The following SCYL3 variants were observed in gnomAD, a reference collection of about 807,000 sequenced individuals.
SCYL3 encodes protein-associating with the carboxyl-terminal domain of ezrin.
In SCYL3, 35 loss-of-function variants were observed where a neutral mutation model predicts 73.8. That is an observed-to-expected ratio of 0.47 (90% CI 0.36 to 0.63). The LOEUF (loss-of-function observed/expected upper bound fraction) is 0.63. Ranked by LOEUF, SCYL3 falls within the 20% of genes least tolerant of loss-of-function variation. The pLI is 0.00. For missense variants in SCYL3, 712 were observed against 798.9 expected (o/e 0.89, Z 1.31); for synonymous variants, 277 against 295.2 (o/e 0.94, Z 0.63).
At chr1:169,855,684 C>T in intron 11 of SCYL3, 3 of 978,104 alleles carry the variant, frequency 3.1e-6, no homozygotes, top group South Asian at 1.8e-5. Context: ...AAGCTGACTA[C>T]ATAATTACAA....
In SCYL3 at chr1:169,853,010, G is replaced by A. The variant is rs775576087; in HGVS notation, c.*703C>T. On this transcript the variant is annotated 3_prime_UTR_variant, in exon 13 of 13. Coordinates refer to ENST00000367771, the MANE Select transcript of SCYL3 (RefSeq NM_020423.7). ...TGAAACTTATCACTAGGCAGAACTG[G>A]GTTTGATGCTTTGTCAACTGAAAAT... The A allele has an allele frequency of 1.9e-6, 3 of 1,609,092 alleles. No homozygotes were observed. The South Asian group carries it at 3.3e-5, about 18-fold the overall frequency.
At chr1:169,876,958 T>TAAAAAAAAAAA (rs61051062) in intron 3 of SCYL3, among the ~76,000 whole-genome samples, 7 of 76,418 alleles carry the variant, frequency 9.2e-5, no homozygotes, top group South Asian at 5.2e-4. Flanking sequence ...TTGTCTCAAA[T>TAAAAAAAAAAA]AAAAAAAAAA....
At chr1:169,855,167 A>G (rs558846473) in intron 11 of SCYL3, among the ~76,000 whole-genome samples, 3 of 152,226 alleles carry the variant, frequency 2.0e-5, no homozygotes, top group Non-Finnish European at 4.4e-5. Flanking sequence ...TAATACTTAC[A>G]TTATTAACTC....
At chr1:169,891,189 G>C (rs934742812) in intron 1 of SCYL3, among the ~76,000 whole-genome samples, 1 of 152,156 alleles carries the variant, frequency 6.6e-6, no homozygotes, top group African/African-American at 2.4e-5. Flanking sequence ...GGTGGAGGTG[G>C]AGCTACGGCA....
At position 169,866,983 on chromosome 1, in the gene SCYL3, A is replaced by C. The variant is rs1255580802; in HGVS notation, c.738-10T>G. The C allele has an allele frequency of 2.0e-6, 3 of 1,503,712 alleles. No homozygotes were observed. Among genetic ancestry groups the C allele is most frequent in the Non-Finnish European group, 1.8e-6 (2 of 1,085,756 alleles). 93.1% of individuals were successfully genotyped at this position (1,503,712 alleles called of 1,614,324 possible). On this transcript the variant is annotated splice_polypyrimidine_tract_variant and intron_variant, in intron 7 of 12. Coordinates refer to ENST00000367771, the MANE Select transcript of SCYL3 (RefSeq NM_020423.7). ...TTCCAGAAAATCATTTCTAAATGCC[A>C]AAAAGAGAAGGAATTCAGCAGAACA... is the stretch of plus-strand genomic sequence containing the variant.
intron 11 of SCYL3, among the ~76,000 whole-genome samples, chr1:169,855,435 T>G (rs758050052): frequency 8.5e-5 from 13 of 152,234 alleles, no homozygotes; most frequent in Non-Finnish European, 1.9e-4. Flanking sequence ...TTAATGACTT[T>G]GCTCTCATTT....
At chr1:169,885,322 C>T (rs1661601253) in intron 2 of SCYL3, among the ~76,000 whole-genome samples, 1 of 152,150 alleles carries the variant, frequency 6.6e-6, no homozygotes, top group East Asian at 1.9e-4. Context: ...ATTCAGCTAT[C>T]CAGAGAATTC....
intron 1 of SCYL3, 25 bp from the exon 2 acceptor site, chr1:169,888,915 C>A: frequency 7.3e-7 from 1 of 1,360,710 alleles, no homozygotes; most frequent in South Asian, 1.7e-5. Flanking sequence ...AAAACAATTT[C>A]AAACATTAAA....
chr1:169,888,526 A>G (rs1476687885), intron 2 of SCYL3, 150 bp downstream of exon 2: 1 of 619,626 alleles, frequency 1.6e-6, no homozygotes, highest in Non-Finnish European at 2.7e-6. Flanking sequence ...AGATAGGCCC[A>G]TGAAGTAAGA....
chr1:169,870,427 A>G, intron 5 of SCYL3, 70 bp from the exon 6 acceptor site: 1 of 964,216 alleles, frequency 1.0e-6, no homozygotes, highest in South Asian at 1.4e-5. Context: ...TCTCTGAAGC[A>G]CCTTCTCCCA....
At chr1:169,865,702 T>G (rs1184318288) in intron 8 of SCYL3, among the ~76,000 whole-genome samples, 1 of 152,236 alleles carries the variant, frequency 6.6e-6, no homozygotes, top group Non-Finnish European at 1.5e-5. Flanking sequence ...CTCAGCCCAA[T>G]GCACTCTCAC....
In SCYL3 at chr1:169,850,373, A is replaced by G. The variant is rs764963091; in HGVS notation, c.*3340T>C. 3 of 1,468,596 alleles carry G rather than the reference A, an allele frequency of 2.0e-6. No homozygotes were observed. The highest frequency in any genetic ancestry group is 2.4e-5 in the South Asian group (2 of 82,694). The allele number at this position is 1,468,596 out of a possible 1,614,324, so 91.0% of individuals were successfully genotyped here. ...ACTTTCTTTACATGGCTCATGTTTT[A>G]TTCTTTGTCCTATTTTTTTTTTTCC... On this transcript the variant is annotated 3_prime_UTR_variant, in exon 13 of 13. Coordinates refer to ENST00000367771, the MANE Select transcript of SCYL3 (RefSeq NM_020423.7).
intron 6 of SCYL3, among the ~76,000 whole-genome samples, chr1:169,869,736 A>G (rs902004374): frequency 4.6e-5 from 7 of 152,234 alleles, no homozygotes; most frequent in African/African-American, 1.7e-4. Context: ...AGAACACAGA[A>G]GAGAGGAGAA....
At chr1:169,875,815 G>T (rs1200016229) in intron 4 of SCYL3, among the ~76,000 whole-genome samples, 163 bp downstream of exon 4, 1 of 152,210 alleles carries the variant, frequency 6.6e-6, no homozygotes, top group Admixed American at 6.5e-5. Context: ...CACTGCCTCT[G>T]AGGAACAAAA....
chr1:169,858,373 ACAGC>A (rs1299553080), intron 11 of SCYL3, among the ~76,000 whole-genome samples: 6 of 152,288 alleles, frequency 3.9e-5, no homozygotes, highest in African/African-American at 1.4e-4. Flanking sequence ...TTTGACCTCC[ACAGC>A]TTATTCCGCT....
chr1:169,891,696 A>G (rs1223139467), intron 1 of SCYL3, among the ~76,000 whole-genome samples: 3 of 152,232 alleles, frequency 2.0e-5, no homozygotes, highest in Non-Finnish European at 2.9e-5. Flanking sequence ...TTAAGTGTTA[A>G]TATTAATCCT....
At chr1:169,889,242 A>C (rs897599547) in intron 1 of SCYL3, among the ~76,000 whole-genome samples, 3 of 152,242 alleles carry the variant, frequency 2.0e-5, no homozygotes, top group African/African-American at 7.2e-5. Flanking sequence ...ATGTTGTAAA[A>C]ATATTACTCA....
At chr1:169,853,912 A>C (rs1558111126) in intron 12 of SCYL3, 140 bp from the exon 13 acceptor site, 1 of 892,582 alleles carries the variant, frequency 1.1e-6, no homozygotes, top group Admixed American at 2.5e-5. Context: ...AATAACTTAG[A>C]GCTCTAACAG....
Position 169,852,207 on chromosome 1 carries a change from G to C in SCYL3, c.*1506C>G, listed in dbSNP as rs1022401430. On this transcript the variant is annotated 3_prime_UTR_variant, in exon 13 of 13. Transcript: ENST00000367771. Reference sequence around the variant, plus strand: ...TTGTACCAGTGATGCTATAAATGCAGTCTTTACTGAACCACAGAAGAAAAT... The same window carrying C: ...TTGTACCAGTGATGCTATAAATGCACTCTTTACTGAACCACAGAAGAAAAT... 1 of 458,198 alleles carries C rather than the reference G, an allele frequency of 2.2e-6. No individual in the cohort carries two copies. The highest frequency in any genetic ancestry group is 3.8e-5 in the Admixed American group (1 of 25,994). 28.4% of individuals were successfully genotyped at this position (458,198 alleles called of 1,614,324 possible).
Sources: allele counts gnomAD v4.1 joint callset (sites outside exome capture counted in the v4.1 genomes callset), GRCh38; gene constraint gnomAD v4.1.1; transcripts MANE v1.5; gene names NCBI Gene and HGNC (gene_info 2026-07-23, HGNC 2026-07-21).